CSMD1: variants seen among roughly 807,000 people sequenced by gnomAD.
CSMD1 encodes CUB and sushi domain-containing protein 1.
Under a neutral mutation model 417.5 loss-of-function variants are expected in CSMD1, and 213 were observed. The observed-to-expected ratio is 0.51, with a 90% CI of 0.46 to 0.57. The LOEUF (loss-of-function observed/expected upper bound fraction) is 0.57. CSMD1 is among the 20% of genes least tolerant of loss of function. The pLI is 0.00. For synonymous variants in CSMD1, 2,862 were observed against 1,736.8 expected (o/e 1.65, Z -16.11); for missense variants, 6,923 against 4,529.7 (o/e 1.53, Z -15.17).
chr8:3,337,155 T>G (rs2584224), intron 23 of CSMD1, among the ~76,000 whole-genome samples: 61,705 of 151,890 alleles, frequency 0.41, 14,609 homozygotes, highest in Non-Finnish European at 0.53. Context: ...GTTCAGTACA[T>G]GACTCTGCCA....
intron 23 of CSMD1, among the ~76,000 whole-genome samples, chr8:3,325,715 T>C (rs896150964): frequency 4.6e-5 from 7 of 152,070 alleles, no homozygotes; most frequent in Non-Finnish European, 7.4e-5. Context: ...TCCCAGCTAC[T>C]CGGGAAGCTG....
At chr8:4,145,443 T>C (rs1173064991) in intron 3 of CSMD1, among the ~76,000 whole-genome samples, 1 of 151,232 alleles carries the variant, frequency 6.6e-6, no homozygotes, top group African/African-American at 2.5e-5. Flanking sequence ...ATCTACAGGT[T>C]ACTATATATT....
chr8:3,541,327 G>A (rs193230192), intron 10 of CSMD1, among the ~76,000 whole-genome samples: 40 of 152,242 alleles, frequency 2.6e-4, no homozygotes, highest in Admixed American at 2.2e-3. Context: ...GCTGAACAAT[G>A]AGAACACATG....
chr8:3,236,236 A>G (rs900390316), intron 26 of CSMD1, among the ~76,000 whole-genome samples: 44 of 152,224 alleles, frequency 2.9e-4, no homozygotes, highest in African/African-American at 9.6e-4. Context: ...GAGTTTCAAT[A>G]AAATAATTAT....
chr8:3,235,790 G>T (rs73185525), intron 26 of CSMD1, among the ~76,000 whole-genome samples: 10,271 of 151,860 alleles, frequency 0.068, 498 homozygotes, highest in Non-Finnish European at 0.098. Flanking sequence ...TTTGGAATAC[G>T]TATAACAATA....
At chr8:4,244,549 C>G (rs1386901502) in intron 3 of CSMD1, among the ~76,000 whole-genome samples, 2 of 151,068 alleles carry the variant, frequency 1.3e-5, no homozygotes, top group Non-Finnish European at 3.0e-5. Context: ...TTTTTCTTAT[C>G]AGGTTTAATG....
At chr8:4,762,539 G>C (rs999827213) in intron 1 of CSMD1, among the ~76,000 whole-genome samples, 2 of 151,966 alleles carry the variant, frequency 1.3e-5, no homozygotes, top group Non-Finnish European at 2.9e-5. Context: ...CATCAAAAAA[G>C]TAACCTACAT....
At chr8:3,642,221 T>C (rs564467299) in intron 7 of CSMD1, among the ~76,000 whole-genome samples, 1 of 151,728 alleles carries the variant, frequency 6.6e-6, no homozygotes, top group Non-Finnish European at 1.5e-5. Flanking sequence ...AAAATATGTA[T>C]TAAATGGTGA....
chr8:4,443,404 GA>G (rs1242099505), intron 2 of CSMD1, among the ~76,000 whole-genome samples: 2 of 152,142 alleles, frequency 1.3e-5, no homozygotes, highest in Non-Finnish European at 2.9e-5. Flanking sequence ...ACAGTTCCAA[GA>G]AAATTGCAAC....
At chr8:4,584,715 C>G (rs907127016) in intron 2 of CSMD1, among the ~76,000 whole-genome samples, 8 of 152,178 alleles carry the variant, frequency 5.3e-5, no homozygotes, top group Admixed American at 4.6e-4. Flanking sequence ...TCTATCCTAT[C>G]TATCCTGACC....
intron 23 of CSMD1, among the ~76,000 whole-genome samples, chr8:3,334,342 CCTT>C (rs1419039047): frequency 6.6e-6 from 1 of 152,302 alleles, no homozygotes; most frequent in East Asian, 1.9e-4. Flanking sequence ...AATATTTTCT[CCTT>C]GTTTTCAAGC....
chr8:4,652,182 A>C (rs2130898164), intron 1 of CSMD1, among the ~76,000 whole-genome samples: 1 of 152,314 alleles, frequency 6.6e-6, no homozygotes, highest in Admixed American at 6.5e-5. Context: ...GCATTGAGGG[A>C]TTGCATTAAA....
chr8:3,819,713 G>C lies in CSMD1; in HGVS notation c.819-65671C>G, dbSNP rs542896011. Among the ~76,000 whole-genome samples the C allele has an allele frequency of 6.3e-4, 96 of 152,118 alleles. 1 individual carries two copies. The highest frequency in any genetic ancestry group is 4.8e-3 in the South Asian group (23 of 4,814). ...GTGATCCTCCAATCTCAGCCTCCTG[G>C]GGAACTGGGACCACAGGCACATGTG... is the stretch of plus-strand genomic sequence containing the variant. On this transcript the variant is annotated intron_variant, in intron 5 of 69. Coordinates refer to ENST00000635120, the MANE Select transcript of CSMD1 (RefSeq NM_033225.6).
chr8:3,235,559 C>T (rs6983619), intron 26 of CSMD1, among the ~76,000 whole-genome samples: 23,717 of 152,050 alleles, frequency 0.16, 2,023 homozygotes, highest in East Asian at 0.25. Context: ...AGAGCTGTAC[C>T]ACAGTAAAAA....
intron 3 of CSMD1, among the ~76,000 whole-genome samples, chr8:4,259,924 A>G (rs1404113461): frequency 6.6e-6 from 1 of 152,198 alleles, no homozygotes; most frequent in Admixed American, 6.5e-5. Flanking sequence ...ATAATACTAC[A>G]AAATTATATC....
chr8:3,967,624 A>G (rs1312244351), intron 5 of CSMD1, among the ~76,000 whole-genome samples: 2 of 152,126 alleles, frequency 1.3e-5, no homozygotes, highest in Non-Finnish European at 2.9e-5. Context: ...TTTTACGTGC[A>G]TTACTCACAT....
At chr8:4,851,242 C>T (rs1357096690) in intron 1 of CSMD1, among the ~76,000 whole-genome samples, 2 of 151,894 alleles carry the variant, frequency 1.3e-5, no homozygotes, top group African/African-American at 2.4e-5. Context: ...ATGATGGTTT[C>T]CAGCTTCATC....
In CSMD1 at chr8:4,256,902, G is replaced by A. The variant is rs528479031; in HGVS notation, c.415+163051C>T. On this transcript the variant is annotated intron_variant, in intron 3 of 69. Coordinates refer to ENST00000635120, the MANE Select transcript of CSMD1 (RefSeq NM_033225.6). ...GCTACTGGACGATGTGGTTCAGAAT[G>A]AGTTTGCAGAATTTATTTTCCTTCC... Among the ~76,000 whole-genome samples the A allele has an allele frequency of 2.0e-5, 3 of 152,286 alleles. No homozygotes were observed. In the South Asian group the frequency reaches 6.2e-4, roughly 32 times the overall value.
chr8:3,576,292 T>C (rs1800148565), intron 9 of CSMD1, among the ~76,000 whole-genome samples: 1 of 151,106 alleles, frequency 6.6e-6, no homozygotes, highest in South Asian at 2.1e-4. Flanking sequence ...ATAATAATAA[T>C]AATAATAATA....
Sources: allele counts gnomAD v4.1 joint callset (sites outside exome capture counted in the v4.1 genomes callset), GRCh38; gene constraint gnomAD v4.1.1; transcripts MANE v1.5; gene names NCBI Gene and HGNC (gene_info 2026-07-23, HGNC 2026-07-21).